Variants in FRAS1 observed in about 807,000 individuals in gnomAD.
FRAS1 encodes Fraser extracellular matrix complex subunit 1, also known as extracellular matrix organizing protein FRAS1.
In FRAS1, 290 loss-of-function variants were observed where a neutral mutation model predicts 435.2. The ratio of observed to expected loss-of-function variants is 0.67; its 90% CI spans 0.61 to 0.73. The LOEUF is 0.73. FRAS1 is among the 30% of genes least tolerant of loss of function. The pLI, the probability that FRAS1 is intolerant of heterozygous loss-of-function variation, is 0.00. For missense variants in FRAS1, 4,860 were observed against 5,001.5 expected, an observed-to-expected ratio of 0.97 and a Z score of 0.85; for synonymous variants, 1,800 against 1,851.0, an observed-to-expected ratio of 0.97 and a Z score of 0.71.
intron 18 of FRAS1, among the ~76,000 whole-genome samples, chr4:78,327,227 A>G (rs1169619339): frequency 6.6e-6 from 1 of 152,118 alleles, no homozygotes; most frequent in African/African-American, 2.4e-5. Context: ...TTCACCAAGA[A>G]GAAAACAAAA....
At chr4:78,372,514 T>A (rs1731555104) in intron 23 of FRAS1, among the ~76,000 whole-genome samples, 1 of 152,176 alleles carries the variant, frequency 6.6e-6, no homozygotes, top group Non-Finnish European at 1.5e-5. Flanking sequence ...CATGTCCGTG[T>A]CTAACATAAT....
intron 20 of FRAS1, among the ~76,000 whole-genome samples, chr4:78,362,381 G>A (rs1424340881): frequency 1.3e-5 from 2 of 152,226 alleles, no homozygotes; most frequent in Non-Finnish European, 1.5e-5. Context: ...CCGGACTCAT[G>A]GCAGCGGCAC....
intron 35 of FRAS1, 139 bp from the exon 36 acceptor site, chr4:78,428,956 T>TAAAGTAA (rs1734102342): frequency 1.4e-6 from 1 of 710,252 alleles, no homozygotes; most frequent in Admixed American, 2.4e-5. Context: ...AAGGTTAAAG[T>TAAAGTAA]AGTGCAAAAA....
intron 2 of FRAS1, among the ~76,000 whole-genome samples, chr4:78,155,765 A>G (rs1720858949): frequency 6.6e-6 from 1 of 152,032 alleles, no homozygotes; most frequent in Non-Finnish European, 1.5e-5. Context: ...ACTTTCCCCA[A>G]CTTCCCCCTC....
Position 78,475,546 on chromosome 4 carries a change from C to T in FRAS1, c.7791C>T (p.Ser2597=). 3 of 1,613,648 alleles carry T rather than the reference C, an allele frequency of 1.9e-6. No homozygotes were observed. The highest frequency in any genetic ancestry group is 2.5e-6 in the Non-Finnish European group (3 of 1,179,680). The change falls in exon 54 of 74, where the codon AGC becomes AGT. Residue 2597 remains serine (S), a synonymous_variant. Transcript: ENST00000512123. ...GTCGCACCGAGCAAGGCACCGCCAG[C>T]TCCAGCTCCAGGGTCAGCTCCCAAC... ...VLCRTEQGTA[S]SSSRVSSQPG...
intron 2 of FRAS1, among the ~76,000 whole-genome samples, chr4:78,178,503 G>A (rs186520588): frequency 6.6e-6 from 1 of 151,660 alleles, no homozygotes; most frequent in Non-Finnish European, 1.5e-5. Context: ...TAACCAACAA[G>A]TATTAATTTG....
chr4:78,138,777 T>TA (rs1364999638), intron 2 of FRAS1, among the ~76,000 whole-genome samples: 1 of 152,208 alleles, frequency 6.6e-6, no homozygotes, highest in Admixed American at 6.5e-5. Context: ...CTTAGCACAA[T>TA]GCTTGCCTTC....
chr4:78,096,794 G>A (rs994016981), intron 2 of FRAS1, among the ~76,000 whole-genome samples: 5 of 152,212 alleles, frequency 3.3e-5, no homozygotes, highest in African/African-American at 1.2e-4. Context: ...AGGCCTCTAG[G>A]CCTGTGATGG....
chr4:78,520,110 C>T (rs940894660), intron 67 of FRAS1, among the ~76,000 whole-genome samples: 1 of 151,612 alleles, frequency 6.6e-6, no homozygotes, highest in Non-Finnish European at 1.5e-5. Context: ...GGAGCCCACA[C>T]CTCACCCCCA....
At chr4:78,521,666 A>G in intron 68 of FRAS1, 36 bp downstream of exon 68, 2 of 1,243,106 alleles carry the variant, frequency 1.6e-6, no homozygotes, top group Non-Finnish European at 2.3e-6. Flanking sequence ...CCAACTTTTT[A>G]TTAAGAAACA....
chr4:78,181,149 C>T (rs1721982944), intron 2 of FRAS1: 9 of 1,586,596 alleles, frequency 5.7e-6, no homozygotes, highest in Non-Finnish European at 7.8e-6. Flanking sequence ...TGCCCATCAG[C>T]ACCTTCATTT....
intron 36 of FRAS1, 148 bp from the exon 37 acceptor site, chr4:78,430,144 T>A: frequency 2.3e-6 from 2 of 886,962 alleles, no homozygotes; most frequent in Non-Finnish European, 3.5e-6. Flanking sequence ...TTTACTCTTT[T>A]GTGCCTGATT....
At chr4:78,152,593 T>A in intron 2 of FRAS1, among the ~76,000 whole-genome samples, 1 of 150,764 alleles carries the variant, frequency 6.6e-6, no homozygotes, top group East Asian at 1.9e-4. Context: ...GTGTTCTTCA[T>A]TTCATGTAGG....
At chr4:78,495,186 A>G (rs988628459) in intron 59 of FRAS1, among the ~76,000 whole-genome samples, 4 of 151,992 alleles carry the variant, frequency 2.6e-5, no homozygotes, top group African/African-American at 9.7e-5. Flanking sequence ...ACTGATTTGC[A>G]ATGCTTTCTT....
chr4:78,214,037 C>G (rs1186094454), intron 2 of FRAS1, among the ~76,000 whole-genome samples: 1 of 152,156 alleles, frequency 6.6e-6, no homozygotes, highest in Admixed American at 6.5e-5. Flanking sequence ...TGTGCATCTT[C>G]GGGAAAGTAG....
At chr4:78,243,368 C>T (rs191773923) in intron 3 of FRAS1, among the ~76,000 whole-genome samples, 69 of 151,886 alleles carry the variant, frequency 4.5e-4, no homozygotes, top group Non-Finnish European at 8.5e-4. Context: ...AGTAATCTTG[C>T]CCCCAGCGAT....
intron 45 of FRAS1, among the ~76,000 whole-genome samples, chr4:78,450,904 A>G (rs1048888718): frequency 3.9e-5 from 6 of 152,132 alleles, no homozygotes; most frequent in Non-Finnish European, 7.4e-5. Context: ...AAAAAAAGTT[A>G]TATATTGGGG....
intron 47 of FRAS1, among the ~76,000 whole-genome samples, chr4:78,453,676 T>G (rs1719094152): frequency 6.6e-6 from 1 of 152,084 alleles, no homozygotes; most frequent in Non-Finnish European, 1.5e-5. Context: ...GGTGCACATT[T>G]GTAGTTGTAG....
In FRAS1 at chr4:78,238,554, A is replaced by G. The variant is rs377612884; in HGVS notation, c.216+937A>G. Among the ~76,000 whole-genome samples, 83 of 152,154 alleles carry G rather than the reference A, an allele frequency of 5.5e-4. 3 individuals carry two copies. The South Asian group carries it at 0.017, about 31-fold the overall frequency. On this transcript the variant is annotated intron_variant, in intron 3 of 73. Transcript: ENST00000512123. ...ACACTGAAGTGAAGGTATGCCTTTA[A>G]GAGTATTCCTTCATTTCTGCATGAG...
Sources: allele counts gnomAD v4.1 joint callset (sites outside exome capture counted in the v4.1 genomes callset), GRCh38; gene constraint gnomAD v4.1.1; transcripts MANE v1.5; gene names NCBI Gene and HGNC (gene_info 2026-07-23, HGNC 2026-07-21).